The following DPYSL5 variants were observed in gnomAD, a reference collection of about 807,000 sequenced individuals.
DPYSL5 encodes the protein dihydropyrimidinase like 5, also known as dihydropyrimidinase-related protein 5.
Under a neutral mutation model 58.4 loss-of-function variants are expected in DPYSL5, and 9 were observed. The observed-to-expected ratio is 0.15, with a 90% CI of 0.09 to 0.27. DPYSL5 has a LOEUF of 0.27. Among genes scored for constraint, DPYSL5 ranks in the 10% least tolerant of loss-of-function variants. The pLI is 1.00. For missense variants in DPYSL5, 499 were observed against 770.6 expected (o/e 0.65, Z 4.17); for synonymous variants, 293 against 301.9 (o/e 0.97, Z 0.31).
In DPYSL5 at chr2:26,927,459, T is replaced by C. The variant is rs757491590; in HGVS notation, c.600+27T>C. 6.2e-7 allele frequency: 1 copy of C among 1,610,442 alleles called. No individual in the cohort carries two copies. Among genetic ancestry groups the C allele is most frequent in the East Asian group, 2.2e-5 (1 of 44,826 alleles). On this transcript the variant is annotated intron_variant, in intron 4 of 12. Transcript: ENST00000288699. This position sits in a 1 kb window ranked among gnomAD's most constrained non-coding sequence, Gnocchi z 4.3. ...CAAGTCTGCAGCCAAGAATATTGGA[T>C]GGAGGGACACCAGTGGAGACAGTTA... is the stretch of plus-strand genomic sequence containing the variant.
chr2:26,935,961 G>T (rs1402416419), intron 8 of DPYSL5, among the ~76,000 whole-genome samples: 1 of 152,174 alleles, frequency 6.6e-6, no homozygotes, highest in Non-Finnish European at 1.5e-5. Flanking sequence ...AGTATCTGAG[G>T]CCCAGAGGAA....
At chr2:26,862,270 T>C (rs562688964) in intron 1 of DPYSL5, among the ~76,000 whole-genome samples, 62 of 152,378 alleles carry the variant, frequency 4.1e-4, no homozygotes, top group Non-Finnish European at 6.9e-4. Context: ...CTTGTGGCAC[T>C]TGGCGCAAGG....
At position 26,898,870 on chromosome 2, in the gene DPYSL5, G is replaced by T. The variant is rs1051167856; in HGVS notation, c.261+110G>T. The T allele has an allele frequency of 5.2e-5, 71 of 1,367,422 alleles. No individual in the cohort carries two copies. The Middle Eastern group carries it at 6.3e-4, about 12-fold the overall frequency. 84.7% of individuals were successfully genotyped at this position (1,367,422 alleles called of 1,614,324 possible). A position where few individuals can be genotyped will look rare whatever the true frequency, so the allele number is the denominator to read the frequency against. On this transcript the variant is annotated intron_variant, in intron 2 of 12. Coordinates refer to ENST00000288699, the MANE Select transcript of DPYSL5 (RefSeq NM_020134.4). This position sits in a 1 kb window ranked among gnomAD's most constrained non-coding sequence, Gnocchi z 6.1. ...GCCAGGTGCTCCCAGTGTATTGCTGGCAGGAGAAGGGTGTGTCAGGGCCAC... is the reference window on the plus strand; with the variant it reads ...GCCAGGTGCTCCCAGTGTATTGCTGTCAGGAGAAGGGTGTGTCAGGGCCAC...
At chr2:26,901,520 G>C (rs2148139142) in intron 2 of DPYSL5, among the ~76,000 whole-genome samples, 1 of 152,210 alleles carries the variant, frequency 6.6e-6, no homozygotes, top group Non-Finnish European at 1.5e-5. Context: ...GGGACGGGTG[G>C]ATTTAATTAT....
intron 2 of DPYSL5, among the ~76,000 whole-genome samples, chr2:26,919,388 A>G (rs148688037): frequency 1.2e-4 from 18 of 152,370 alleles, no homozygotes; most frequent in Non-Finnish European, 2.2e-4. Flanking sequence ...ATGAGCATCA[A>G]ATAAATCCAG....
intron 1 of DPYSL5, among the ~76,000 whole-genome samples, chr2:26,870,435 T>C (rs547129810): frequency 2.6e-5 from 4 of 152,354 alleles, no homozygotes; most frequent in Non-Finnish European, 5.9e-5. Flanking sequence ...ATCCTTTTGG[T>C]ACACTGCAAA....
chr2:26,926,625 A>T (rs1299193045), intron 3 of DPYSL5, among the ~76,000 whole-genome samples: 4 of 152,196 alleles, frequency 2.6e-5, no homozygotes, highest in Admixed American at 2.6e-4. Flanking sequence ...GCTTTCACAG[A>T]GTAGCTATTT....
intron 1 of DPYSL5, among the ~76,000 whole-genome samples, chr2:26,853,257 A>G (rs1034647099): frequency 2.0e-5 from 3 of 152,130 alleles, no homozygotes; most frequent in African/African-American, 7.2e-5. Context: ...TCCCAAGGCT[A>G]TGTAATTCTT....
Position 26,849,837 on chromosome 2 carries a change from C to G in DPYSL5, c.-5+1583C>G, listed in dbSNP as rs1665702811. Among the ~76,000 whole-genome samples, 1 of 152,216 alleles carries G rather than the reference C, an allele frequency of 6.6e-6. No individual in the cohort carries two copies. The highest frequency in any genetic ancestry group is 2.1e-4 in the South Asian group (1 of 4,832). ...GGGAATCCCGTGTGGGAGGCGCTCC[C>G]CCGGCCTGGGGGCCTGCAGACAGCC... On this transcript the variant is annotated intron_variant, in intron 1 of 12. Coordinates refer to ENST00000288699, the MANE Select transcript of DPYSL5 (RefSeq NM_020134.4). This position sits in a 1 kb window ranked among gnomAD's most constrained non-coding sequence, Gnocchi z 6.2.
intron 2 of DPYSL5, among the ~76,000 whole-genome samples, chr2:26,908,028 G>A (rs1572700405): frequency 1.3e-5 from 2 of 152,274 alleles, no homozygotes; most frequent in Non-Finnish European, 2.9e-5. Flanking sequence ...TGTCATGTGG[G>A]CAAGTTAATC....
intron 9 of DPYSL5, among the ~76,000 whole-genome samples, chr2:26,940,915 GATTATT>G (rs200062447): frequency 1.4e-5 from 2 of 142,714 alleles, no homozygotes; most frequent in African/African-American, 5.1e-5. Flanking sequence ...CAGCATTTCT[GATTATT>G]ATTATTATTA....
At chr2:26,857,368 G>A (rs1047860388) in intron 1 of DPYSL5, among the ~76,000 whole-genome samples, 1 of 151,942 alleles carries the variant, frequency 6.6e-6, no homozygotes, top group Non-Finnish European at 1.5e-5. Context: ...GCGAAACCCC[G>A]TCTCTACTAA....
rs772055469 is a variant in DPYSL5, at chr2:26,924,936, A to G, written c.311A>G (p.Asp104Gly). The change falls in exon 3 of 13, where the codon GAC (aspartate) becomes GGC (glycine). Residue 104 changes from aspartate (D) to glycine (G), a missense_variant. This residue lies in a region of DPYSL5 where 404 missense variants were observed against 647.6 expected (regional missense o/e 0.62). Transcript: ENST00000288699. The surrounding 1 kb of genome is among the most constrained non-coding windows in gnomAD (Gnocchi z 4.7). Reference sequence around the variant, plus strand: ...ATGATCATCGGCCACGTCCTGCCCGACAAGGAGACCTCCCTTGTGGACGCT... The same window carrying G: ...ATGATCATCGGCCACGTCCTGCCCGGCAAGGAGACCTCCCTTGTGGACGCT... ...TTMIIGHVLPDKETSLVDAYE... is the reference protein window; with the variant it reads ...TTMIIGHVLPGKETSLVDAYE... The G allele has an allele frequency of 1.2e-6, 2 of 1,614,176 alleles. No individual in the cohort carries two copies. Among genetic ancestry groups the G allele is most frequent in the Non-Finnish European group, 8.5e-7 (1 of 1,180,036 alleles).
intron 1 of DPYSL5, among the ~76,000 whole-genome samples, chr2:26,865,684 T>C (rs989557512): frequency 5.3e-5 from 8 of 152,172 alleles, no homozygotes; most frequent in Admixed American, 3.3e-4. Context: ...CATTTTATCA[T>C]AATAGGTGTG....
chr2:26,917,955 G>C (rs948521125), intron 2 of DPYSL5, among the ~76,000 whole-genome samples: 1 of 151,960 alleles, frequency 6.6e-6, no homozygotes, highest in Non-Finnish European at 1.5e-5. Context: ...GGCCAACATG[G>C]TGAAATCCCG....
chr2:26,864,882 G>A (rs527706498), intron 1 of DPYSL5, among the ~76,000 whole-genome samples: 116 of 152,186 alleles, frequency 7.6e-4, no homozygotes, highest in Admixed American at 1.3e-3. Context: ...TCGCCTTTGG[G>A]GTCTATGTGC....
chr2:26,871,154 T>A (rs930313433), intron 1 of DPYSL5, among the ~76,000 whole-genome samples: 2 of 152,084 alleles, frequency 1.3e-5, no homozygotes, highest in Admixed American at 6.5e-5. Context: ...TTAAAAAAAA[T>A]GTGACAGAGC....
chr2:26,936,206 C>T (rs1172110414), intron 8 of DPYSL5, among the ~76,000 whole-genome samples: 1 of 152,168 alleles, frequency 6.6e-6, no homozygotes, highest in Non-Finnish European at 1.5e-5. Context: ...AGTCTCCCTC[C>T]GAGGGTCCCG....
At chr2:26,873,162 T>A (rs1376930262) in intron 1 of DPYSL5, among the ~76,000 whole-genome samples, 6 of 152,256 alleles carry the variant, frequency 3.9e-5, no homozygotes, top group African/African-American at 1.4e-4. Flanking sequence ...GCATTTTTGT[T>A]GTTTTTAAAT....
Sources: gnomAD v4.1 joint callset for allele counts (sites outside exome capture counted in the v4.1 genomes callset) on GRCh38, gnomAD v4.1.1 for gene constraint, gnomAD v4.1.1 regional missense constraint, Gnocchi (gnomAD v3.1) non-coding constraint, MANE v1.5 for transcripts, NCBI Gene and HGNC (gene_info 2026-07-23, HGNC 2026-07-21) for gene names.